NELL1: variants seen among roughly 807,000 people sequenced by gnomAD.
NELL1 encodes the protein neural EGFL like 1, also known as protein kinase C-binding protein NELL1.
A neutral mutation model predicts 107.4 loss-of-function variants in NELL1; 76 were observed. The ratio of observed to expected loss-of-function variants is 0.71; its 90% CI spans 0.59 to 0.86. The LOEUF (loss-of-function observed/expected upper bound fraction) is 0.86, where lower values mean the gene tolerates loss of function less well. Ranked by LOEUF, NELL1 falls within the 40% of genes least tolerant of loss-of-function variation. NELL1 has a pLI of 0.00. For missense variants in NELL1, 1,024 were observed against 1,005.5 expected (o/e 1.02, Z -0.25); for synonymous variants, 353 against 341.2 (o/e 1.03, Z -0.38).
chr11:21,452,822 C>T (rs911118721), intron 15 of NELL1, among the ~76,000 whole-genome samples: 1 of 151,864 alleles, frequency 6.6e-6, no homozygotes, highest in Non-Finnish European at 1.5e-5. Context: ...CTTTTAATCA[C>T]TGGTCTCACA....
rs185523268 is a variant in NELL1, at chr11:21,505,880, G to A, written c.1646-28494G>A. On this transcript the variant is annotated intron_variant, in intron 15 of 19. Coordinates refer to ENST00000357134, the MANE Select transcript of NELL1 (RefSeq NM_006157.5). ...TTTCTTCATATATCTTCTGTGCCCA[G>A]TTTTTATTTATAGGAGCCTCTCACT... Among the ~76,000 whole-genome samples, 7 of 152,188 alleles carry A rather than the reference G, an allele frequency of 4.6e-5. No homozygotes were observed. The East Asian group carries it at 1.4e-3, about 29-fold the overall frequency.
chr11:21,147,790 G>C (rs1216041639), intron 13 of NELL1, among the ~76,000 whole-genome samples: 3 of 136,760 alleles, frequency 2.2e-5, no homozygotes, highest in African/African-American at 8.3e-5. Context: ...GAGCTGAGAT[G>C]GCACCATTGC....
intron 15 of NELL1, among the ~76,000 whole-genome samples, chr11:21,503,884 C>G (rs1188816011): frequency 6.6e-6 from 1 of 151,934 alleles, no homozygotes; most frequent in African/African-American, 2.4e-5. Context: ...GTAATTGATC[C>G]TCAAACCCTC....
intron 12 of NELL1, among the ~76,000 whole-genome samples, chr11:21,019,656 G>C (rs1252214707): frequency 1.3e-5 from 2 of 151,972 alleles, no homozygotes; most frequent in African/African-American, 4.8e-5. Context: ...CATTCTACAA[G>C]CACAAGAGAA....
At chr11:20,830,393 GTCT>G (rs1857983554) in intron 3 of NELL1, among the ~76,000 whole-genome samples, 1 of 151,338 alleles carries the variant, frequency 6.6e-6, no homozygotes, top group Non-Finnish European at 1.5e-5. Flanking sequence ...GTAATACCTG[GTCT>G]TCTTTTTGCT....
chr11:21,400,494 T>C (rs1294964424), intron 15 of NELL1, among the ~76,000 whole-genome samples: 1 of 151,884 alleles, frequency 6.6e-6, no homozygotes, highest in Non-Finnish European at 1.5e-5. Flanking sequence ...CTTTTGAATT[T>C]GACCCACAAC....
At chr11:21,263,709 G>T (rs1053150799) in intron 14 of NELL1, among the ~76,000 whole-genome samples, 3 of 151,874 alleles carry the variant, frequency 2.0e-5, no homozygotes, top group Admixed American at 2.0e-4. Context: ...GAAGTATCTG[G>T]TGGTGTTAAT....
chr11:21,519,336 A>G (rs1591000218), intron 15 of NELL1, among the ~76,000 whole-genome samples: 1 of 152,250 alleles, frequency 6.6e-6, no homozygotes, highest in South Asian at 2.1e-4. Flanking sequence ...AATACAGACT[A>G]CTGGGTTCTA....
At position 20,698,679 on chromosome 11, in the gene NELL1, TGGTTTTTGG is replaced by T. The variant is rs1854686045; in HGVS notation, c.184+20620_184+20628del. On this transcript the variant is annotated intron_variant, in intron 2 of 19. Coordinates refer to ENST00000357134, the MANE Select transcript of NELL1 (RefSeq NM_006157.5). ...CTTTCAATAGTTTTTGGGGAACAGGTGGTTTTTGGTTACATGGATAAGTTATTTAGTGGT... is the reference window on the plus strand; with the variant it reads ...CTTTCAATAGTTTTTGGGGAACAGGTTTACATGGATAAGTTATTTAGTGGT... 2.0e-5 allele frequency among the ~76,000 whole-genome samples: 3 copies of T among 152,192 alleles called. No homozygotes were observed. The South Asian group carries it at 6.2e-4, about 32-fold the overall frequency.
intron 7 of NELL1, among the ~76,000 whole-genome samples, chr11:20,925,533 G>C (rs146048055): frequency 1.3e-5 from 2 of 150,146 alleles, no homozygotes; most frequent in Non-Finnish European, 3.0e-5. Flanking sequence ...TCATCTGCTC[G>C]TCTTGGCCTC....
At chr11:20,926,133 T>C (rs1392743314) in intron 7 of NELL1, among the ~76,000 whole-genome samples, 1 of 152,168 alleles carries the variant, frequency 6.6e-6, no homozygotes, top group Non-Finnish European at 1.5e-5. Flanking sequence ...TTTTCAATCA[T>C]GGTGGTCTCT....
intron 9 of NELL1, among the ~76,000 whole-genome samples, chr11:20,930,976 G>T (rs1006776334): frequency 6.6e-6 from 1 of 152,044 alleles, no homozygotes; most frequent in Non-Finnish European, 1.5e-5. Flanking sequence ...ATGATACAAG[G>T]CACCTCTGGT....
intron 13 of NELL1, among the ~76,000 whole-genome samples, chr11:21,210,019 A>G (rs781174120): frequency 5.3e-5 from 8 of 152,110 alleles, no homozygotes; most frequent in African/African-American, 7.2e-5. Flanking sequence ...TTTGTTTAGC[A>G]TAGTGATTTT....
chr11:20,854,843 G>C (rs1848852999), intron 4 of NELL1, among the ~76,000 whole-genome samples: 1 of 152,206 alleles, frequency 6.6e-6, no homozygotes, highest in East Asian at 1.9e-4. Context: ...TCCTCTGAAT[G>C]CTGAAGTAAA....
chr11:21,003,419 A>G (rs1852265657), intron 12 of NELL1, among the ~76,000 whole-genome samples: 1 of 152,132 alleles, frequency 6.6e-6, no homozygotes, highest in African/African-American at 2.4e-5. Flanking sequence ...TTTTTTTGCT[A>G]GGTCACATAA....
rs940441045 is a variant in NELL1 at position 20,863,362 on chromosome 11, G to C, written c.506+15609G>C. 6.8e-4 allele frequency among the ~76,000 whole-genome samples: 30 copies of C among 43,918 alleles called. 6 individuals are homozygous for C. The highest frequency in any genetic ancestry group is 1.3e-3 in the African/African-American group (27 of 20,328). 28.8% of individuals were successfully genotyped at this position (43,918 alleles called of 152,430 possible). The stretch of plus-strand genomic sequence containing the variant: ...CCGGACGGGGCGGCTGGCCGGGCGG[G>C]GGCTGCCCCCCACCTCCCTCCTGGA... On this transcript the variant is annotated intron_variant, in intron 4 of 19. Coordinates refer to ENST00000357134, the MANE Select transcript of NELL1 (RefSeq NM_006157.5).
intron 12 of NELL1, among the ~76,000 whole-genome samples, chr11:21,091,922 C>T (rs1046644108): frequency 6.6e-6 from 1 of 152,018 alleles, no homozygotes; most frequent in African/African-American, 2.4e-5. Flanking sequence ...CCATAGGGGG[C>T]CTAGTGTAAG....
chr11:21,374,970 T>A (rs1484472232), intron 15 of NELL1, among the ~76,000 whole-genome samples: 1 of 151,122 alleles, frequency 6.6e-6, no homozygotes, highest in Non-Finnish European at 1.5e-5. Flanking sequence ...GACTTGCACA[T>A]CCAAACAGAG....
chr11:21,021,515 G>A (rs1048363652), intron 12 of NELL1, among the ~76,000 whole-genome samples: 2 of 152,060 alleles, frequency 1.3e-5, no homozygotes, highest in African/African-American at 2.4e-5. Context: ...CTTAGGGAAG[G>A]CAAGTCAGAT....
Sources: allele counts gnomAD v4.1 joint callset (sites outside exome capture counted in the v4.1 genomes callset), GRCh38; gene constraint gnomAD v4.1.1; transcripts MANE v1.5; gene names NCBI Gene and HGNC (gene_info 2026-07-23, HGNC 2026-07-21).